TULP4: variants seen among roughly 807,000 people sequenced by gnomAD.
The protein encoded by TULP4 is tubby-related protein 4.
Under a neutral mutation model 129.0 loss-of-function variants are expected in TULP4, and 16 were observed. That is an observed-to-expected ratio of 0.12 (90% CI 0.08 to 0.19). The LOEUF is 0.19. Ranked by LOEUF, TULP4 falls within the 10% of genes least tolerant of loss-of-function variation. TULP4 has a pLI of 1.00. For synonymous variants in TULP4, 998 were observed against 854.0 expected (o/e 1.17, Z -2.94); for missense variants, 1,842 against 2,059.1 (o/e 0.89, Z 2.04).
chr6:158,494,624 A>T, intron 10 of TULP4, 129 bp from the exon 11 acceptor site: 1 of 783,268 alleles, frequency 1.3e-6, no homozygotes, highest in Non-Finnish European at 2.0e-6. Flanking sequence ...TAGATGAGGT[A>T]GGGAATGGGT....
At chr6:158,279,237 C>T (rs1316848830), upstream of TULP4, among the ~76,000 whole-genome samples, 2 of 152,040 alleles carry the variant, frequency 1.3e-5, no homozygotes, top group Non-Finnish European at 2.9e-5. Flanking sequence ...CCACCGCGCC[C>T]GGCCTGGCTA....
In TULP4 at chr6:158,502,867, C is replaced by T. The variant is rs780414017; in HGVS notation, c.3204C>T (p.Tyr1068=). ...CCCCGTTGGCCTCCCAGTCCTCCTA[C>T]AGCCTCCTGAGCCCACCCGACAGCG... ...SASPLASQSS[Y]SLLSPPDSAR... The change falls in exon 13 of 14, where the codon TAC becomes TAT. Residue 1068 remains tyrosine (Y), a synonymous_variant. Coordinates refer to ENST00000367097, the MANE Select transcript of TULP4 (RefSeq NM_020245.5). The T allele has an allele frequency of 5.6e-5, 91 of 1,613,786 alleles. No individual in the cohort carries two copies. Among genetic ancestry groups the T allele is most frequent in the Non-Finnish European group, 7.2e-5 (85 of 1,180,028 alleles).
intron 1 of TULP4, among the ~76,000 whole-genome samples, chr6:158,344,927 A>G (rs1780265827): frequency 6.6e-6 from 1 of 152,240 alleles, no homozygotes. Context: ...AAGGAAATTA[A>G]AAGTGCTACT....
At chr6:158,309,243 C>T (rs1220428253), upstream of TULP4, among the ~76,000 whole-genome samples, 30 of 121,914 alleles carry the variant, frequency 2.5e-4, no homozygotes, top group East Asian at 5.1e-4. Context: ...CGCTCCTCAC[C>T]TCCCAGACGG....
chr6:158,493,636 C>T lies in TULP4; in HGVS notation c.1695C>T (p.Ser565=), dbSNP rs1033557011. 1 of 1,599,672 alleles carries T rather than the reference C, an allele frequency of 6.3e-7. No individual in the cohort carries two copies. The highest frequency in any genetic ancestry group is 8.5e-7 in the Non-Finnish European group (1 of 1,173,414). The change falls in exon 10 of 14, where the codon TCC becomes TCT. Residue 565 remains serine, a synonymous_variant. Transcript: ENST00000367097. The surrounding 1 kb of genome is among the most constrained non-coding windows in gnomAD (Gnocchi z 4.4). ...GGGCTGCTCAGGAGCTCTCCCGGTC[C>T]CCACGGTTGCCCCTGCGCAAGCCCT... is the stretch of plus-strand genomic sequence containing the variant. ...LPRAAQELSR[S]PRLPLRKPSV...
At chr6:158,241,033 G>A (rs1777889014) in intron 1 of TULP4, among the ~76,000 whole-genome samples, 1 of 138,526 alleles carries the variant, frequency 7.2e-6, no homozygotes, top group Admixed American at 7.5e-5. Flanking sequence ...TCTCAGATGG[G>A]GCGGCCGGGT....
chr6:158,326,916 TC>T (rs1169197022), intron 1 of TULP4, among the ~76,000 whole-genome samples: 2 of 152,178 alleles, frequency 1.3e-5, no homozygotes, highest in Non-Finnish European at 2.9e-5. Flanking sequence ...GGATGCAAAA[TC>T]CATGTTTATA....
intron 1 of TULP4, among the ~76,000 whole-genome samples, chr6:158,407,419 A>G (rs2114995304): frequency 6.6e-6 from 1 of 152,330 alleles, no homozygotes; most frequent in Admixed American, 6.5e-5. Context: ...GTGGGGATGT[A>G]AGTTGGTGCA....
At chr6:158,236,241 ACAG>A (rs1777696229) in intron 1 of TULP4, among the ~76,000 whole-genome samples, 1 of 152,268 alleles carries the variant, frequency 6.6e-6, no homozygotes, top group African/African-American at 2.4e-5. Flanking sequence ...AAAAGATTTG[ACAG>A]CAGTTTTTAC....
chr6:158,461,489 A>T (rs1779425878), intron 5 of TULP4, 74 bp from the exon 6 acceptor site: 1 of 1,427,268 alleles, frequency 7.0e-7, no homozygotes. Flanking sequence ...TAAACTACTG[A>T]AGACAGTAGG....
chr6:158,242,000 C>T (rs934838070), intron 1 of TULP4: 32 of 859,312 alleles, frequency 3.7e-5, no homozygotes, highest in Middle Eastern at 6.8e-4. Context: ...ACATTTTGGT[C>T]CTTGTTAATG....
chr6:158,279,168 T>A (rs1004610144), upstream of TULP4, among the ~76,000 whole-genome samples: 1 of 152,014 alleles, frequency 6.6e-6, no homozygotes, highest in African/African-American at 2.4e-5. Flanking sequence ...GGTCTCGATC[T>A]CCTGACCTCG....
chr6:158,269,586 T>G (rs1315953581), intron 1 of TULP4, among the ~76,000 whole-genome samples: 1 of 152,210 alleles, frequency 6.6e-6, no homozygotes, highest in Non-Finnish European at 1.5e-5. Flanking sequence ...TCTCCGTGAT[T>G]CTTCATCCCT....
chr6:158,363,729 A>AC (rs920514134), intron 1 of TULP4, among the ~76,000 whole-genome samples: 72 of 149,046 alleles, frequency 4.8e-4, no homozygotes, highest in East Asian at 2.0e-3. Flanking sequence ...CAGGTGATCC[A>AC]CCCCCCCGGC....
upstream of TULP4, chr6:158,312,315 A>G (rs541452496): frequency 3.6e-5 from 14 of 392,954 alleles, no homozygotes; most frequent in African/African-American, 2.9e-4. Flanking sequence ...AAAATACATC[A>G]CTAATGGCCA....
At chr6:158,307,649 T>G (rs1246166206), upstream of TULP4, among the ~76,000 whole-genome samples, 1 of 152,134 alleles carries the variant, frequency 6.6e-6, no homozygotes, top group Non-Finnish European at 1.5e-5. Flanking sequence ...ACCCAGCTAA[T>G]TTTTGTATTT....
At chr6:158,252,241 G>T (rs980169264) in intron 1 of TULP4, among the ~76,000 whole-genome samples, 1 of 150,906 alleles carries the variant, frequency 6.6e-6, no homozygotes, top group Non-Finnish European at 1.5e-5. Context: ...AGTTTATTCT[G>T]TGTAGTCAAA....
At chr6:158,443,955 C>T (rs927039283) in intron 3 of TULP4, among the ~76,000 whole-genome samples, 36 of 152,166 alleles carry the variant, frequency 2.4e-4, no homozygotes, top group East Asian at 1.4e-3. Flanking sequence ...TGCGGTGGCT[C>T]ACGCCTGTAA....
rs181676848 is a variant in TULP4, at chr6:158,290,092, A to G, written n.116+7714A>G. Among the ~76,000 whole-genome samples the G allele has an allele frequency of 7.4e-4, 112 of 151,206 alleles. 1 individual carries two copies. Among genetic ancestry groups the G allele is most frequent in the African/African-American group, 2.7e-3 (110 of 41,138 alleles). On this transcript the variant is annotated intron_variant and non_coding_transcript_variant, in intron 1 of 1. Transcript: ENST00000432358. Reference sequence around the variant, plus strand: ...GCTGGGACCATAGGCGCATGCCACCATGCTGGCTAATTTTAAAATTTTTTG... The same window carrying G: ...GCTGGGACCATAGGCGCATGCCACCGTGCTGGCTAATTTTAAAATTTTTTG...
Sources: gnomAD v4.1 joint callset for allele counts (sites outside exome capture counted in the v4.1 genomes callset) on GRCh38, gnomAD v4.1.1 for gene constraint, Gnocchi (gnomAD v3.1) non-coding constraint, MANE v1.5 for transcripts, NCBI Gene and HGNC (gene_info 2026-07-23, HGNC 2026-07-21) for gene names.